Variants in CSRNP3 observed in about 807,000 individuals in gnomAD.
CSRNP3 encodes cysteine and serine rich nuclear protein 3.
A neutral mutation model predicts 48.0 loss-of-function variants in CSRNP3; 12 were observed. The ratio of observed to expected loss-of-function variants is 0.25; its 90% CI spans 0.16 to 0.41. The LOEUF is 0.41. CSRNP3 is among the 10% of genes least tolerant of loss of function. CSRNP3 has a pLI of 1.00. For missense variants in CSRNP3, 580 were observed against 724.4 expected, an observed-to-expected ratio of 0.80 and a Z score of 2.29; for synonymous variants, 263 against 269.7, an observed-to-expected ratio of 0.98 and a Z score of 0.24.
At chr2:165,542,465 C>A (rs975714242) in intron 3 of CSRNP3, among the ~76,000 whole-genome samples, 5 of 150,344 alleles carry the variant, frequency 3.3e-5, no homozygotes, top group African/African-American at 1.3e-4. Flanking sequence ...AAAAGGGCTC[C>A]AACAATTCAT....
chr2:165,593,413 C>T (rs1245927340), intron 3 of CSRNP3, among the ~76,000 whole-genome samples: 1 of 152,194 alleles, frequency 6.6e-6, no homozygotes, highest in Non-Finnish European at 1.5e-5. Context: ...CTGGGCCCTA[C>T]TTCCTGGGAA....
chr2:165,604,988 T>C (rs1308973678), intron 4 of CSRNP3, among the ~76,000 whole-genome samples: 1 of 152,214 alleles, frequency 6.6e-6, no homozygotes, highest in Non-Finnish European at 1.5e-5. Flanking sequence ...TATAAATGTA[T>C]CTGAAATCTG....
chr2:165,615,896 T>G (rs980975941), intron 4 of CSRNP3, among the ~76,000 whole-genome samples: 19 of 147,446 alleles, frequency 1.3e-4, no homozygotes, highest in South Asian at 2.2e-4. Context: ...GGGTTTTTTT[T>G]TTTTTTTTTT....
intron 4 of CSRNP3, among the ~76,000 whole-genome samples, chr2:165,626,841 C>T (rs1686444204): frequency 6.6e-6 from 1 of 152,220 alleles, no homozygotes; most frequent in African/African-American, 2.4e-5. Flanking sequence ...ATCCACATGC[C>T]TACCTATGGT....
chr2:165,624,726 C>A (rs557702080), intron 4 of CSRNP3, among the ~76,000 whole-genome samples: 1 of 152,300 alleles, frequency 6.6e-6, no homozygotes, highest in South Asian at 2.1e-4. Context: ...CTGCCTCTCC[C>A]TATTTCCTCC....
At chr2:165,513,124 G>T (rs1163481413) in intron 2 of CSRNP3, among the ~76,000 whole-genome samples, 1 of 151,954 alleles carries the variant, frequency 6.6e-6, no homozygotes, top group Non-Finnish European at 1.5e-5. Context: ...AAAAAATAGG[G>T]TCAACTCTGC....
Position 165,676,613 on chromosome 2 carries a change from G to C in CSRNP3, c.705+5G>C, listed in dbSNP as rs376160936. The C allele has an allele frequency of 5.0e-5, 81 of 1,609,928 alleles. No homozygotes were observed. The highest frequency in any genetic ancestry group is 5.1e-5 in the Non-Finnish European group (60 of 1,176,682). On this transcript the variant is annotated splice_donor_5th_base_variant and intron_variant, in intron 6 of 6. Coordinates refer to ENST00000651982, the MANE Select transcript of CSRNP3 (RefSeq NM_001172173.2). ...CTGGCTGGCATTAAGTGCCAGGTAA[G>C]GGTTGGGAATTCAGGGCATCCAAAG...
chr2:165,684,248 C>CAGCTGGAGTTACAA lies in CSRNP3; in HGVS notation c.*4497_*4510dup, dbSNP rs1395514258. On this transcript the variant is annotated 3_prime_UTR_variant, in exon 7 of 7. Coordinates refer to ENST00000651982, the MANE Select transcript of CSRNP3 (RefSeq NM_001172173.2). ...AGAGGTTGTTAGACTCCATCACTTT[C>CAGCTGGAGTTACAA]AGCTGGAGTTACAAACCATCAAATT... 6.6e-6 allele frequency: 1 copy of CAGCTGGAGTTACAA among 152,106 alleles called. No homozygotes were observed. Among genetic ancestry groups the CAGCTGGAGTTACAA allele is most frequent in the Non-Finnish European group, 1.5e-5 (1 of 67,966 alleles). 9.4% of individuals were successfully genotyped at this position (152,106 alleles called of 1,614,324 possible). A position where few individuals can be genotyped will look rare whatever the true frequency, so the allele number is the denominator to read the frequency against.
At chr2:165,520,826 T>C (rs1175741121) in intron 3 of CSRNP3, among the ~76,000 whole-genome samples, 41 of 105,020 alleles carry the variant, frequency 3.9e-4, no homozygotes, top group Non-Finnish European at 4.1e-4. Context: ...TATATATATA[T>C]ACATATTTTT....
At chr2:165,549,371 T>C (rs1000345739) in intron 3 of CSRNP3, among the ~76,000 whole-genome samples, 1 of 152,032 alleles carries the variant, frequency 6.6e-6, no homozygotes, top group African/African-American at 2.4e-5. Flanking sequence ...GGTAGTCTAA[T>C]TTGAAAGTTT....
At chr2:165,541,714 G>C (rs1006974722) in intron 3 of CSRNP3, among the ~76,000 whole-genome samples, 1 of 152,028 alleles carries the variant, frequency 6.6e-6, no homozygotes, top group African/African-American at 2.4e-5. Flanking sequence ...CCCATGATCA[G>C]CTCATTCCAC....
At chr2:165,645,873 GT>G (rs968698888) in intron 4 of CSRNP3, among the ~76,000 whole-genome samples, 5 of 151,596 alleles carry the variant, frequency 3.3e-5, no homozygotes, top group African/African-American at 7.3e-5. Context: ...AGCCTTGTAG[GT>G]TTTTTTTGTT....
intron 5 of CSRNP3, among the ~76,000 whole-genome samples, chr2:165,664,417 AAC>A (rs1687145700): frequency 6.6e-6 from 1 of 152,218 alleles, no homozygotes; most frequent in Admixed American, 6.5e-5. Flanking sequence ...AGCTCTTCCT[AAC>A]ATTGAGCAAC....
chr2:165,577,947 G>A (rs552121540), intron 3 of CSRNP3, among the ~76,000 whole-genome samples: 273 of 152,048 alleles, frequency 1.8e-3, no homozygotes, highest in African/African-American at 6.3e-3. Flanking sequence ...TTTATTTTTA[G>A]TTTGTCTTGT....
intron 3 of CSRNP3, among the ~76,000 whole-genome samples, chr2:165,580,004 C>G (rs1462818364): frequency 6.7e-6 from 1 of 149,988 alleles, no homozygotes; most frequent in Admixed American, 6.6e-5. Flanking sequence ...TCTCGGCTCA[C>G]CGCAAGCTCC....
intron 1 of CSRNP3, among the ~76,000 whole-genome samples, chr2:165,483,505 T>G (rs1684075439): frequency 6.6e-6 from 1 of 152,362 alleles, no homozygotes; most frequent in African/African-American, 2.4e-5. Flanking sequence ...CCTTATATTC[T>G]TTTAAGTCTC....
chr2:165,581,757 G>A (rs10197177), intron 3 of CSRNP3, among the ~76,000 whole-genome samples: 46,033 of 151,808 alleles, frequency 0.3, 7,397 homozygotes, highest in Admixed American at 0.42. Context: ...GGCTGGTCTC[G>A]AACTACCGAC....
intron 5 of CSRNP3, among the ~76,000 whole-genome samples, chr2:165,670,212 T>G (rs958293661): frequency 6.6e-6 from 1 of 152,142 alleles, no homozygotes; most frequent in Non-Finnish European, 1.5e-5. Flanking sequence ...ATTTTCAGAT[T>G]TGAATATTGA....
chr2:165,564,788 C>A (rs190423006), intron 3 of CSRNP3, among the ~76,000 whole-genome samples: 12 of 151,900 alleles, frequency 7.9e-5, no homozygotes, highest in Non-Finnish European at 1.0e-4. Context: ...ATATAAATAT[C>A]TGTTAAATGT....
Sources: allele counts gnomAD v4.1 joint callset (sites outside exome capture counted in the v4.1 genomes callset), GRCh38; gene constraint gnomAD v4.1.1; transcripts MANE v1.5; gene names NCBI Gene and HGNC (gene_info 2026-07-23, HGNC 2026-07-21).